Variants in STX18 observed in about 807,000 individuals in gnomAD.
The protein encoded by STX18 is syntaxin-18.
Under a neutral mutation model 50.1 loss-of-function variants are expected in STX18, and 40 were observed. That is an observed-to-expected ratio of 0.80 (90% CI 0.62 to 1.04). STX18 has a LOEUF of 1.04. Ranked by LOEUF, STX18 falls within the 50% of genes least tolerant of loss-of-function variation. The pLI is 0.00. For missense variants in STX18, 410 were observed against 415.8 expected (o/e 0.99, Z 0.12); for synonymous variants, 158 against 151.8 (o/e 1.04, Z -0.30).
At chr4:4,490,623 G>A (rs757819047) in intron 1 of STX18, among the ~76,000 whole-genome samples, 13 of 152,040 alleles carry the variant, frequency 8.6e-5, no homozygotes, top group Non-Finnish European at 4.4e-5. Context: ...ATAAATACAT[G>A]CATAATTTCT....
At chr4:4,442,821 A>G (rs1726193453) in intron 5 of STX18, among the ~76,000 whole-genome samples, 1 of 144,126 alleles carries the variant, frequency 6.9e-6, no homozygotes, top group Non-Finnish European at 1.5e-5. Flanking sequence ...AAAAAAAAAA[A>G]GCCCCACCAT....
At chr4:4,482,739 C>G (rs888584888) in intron 1 of STX18, among the ~76,000 whole-genome samples, 3 of 152,214 alleles carry the variant, frequency 2.0e-5, no homozygotes, top group Non-Finnish European at 2.9e-5. Flanking sequence ...CACTCAACTT[C>G]TACTCAAAAT....
At position 4,541,756 on chromosome 4, in the gene STX18, G is replaced by GC. The variant is rs756491031; in HGVS notation, c.168+40dup. 3.2e-6 allele frequency: 5 copies of GC among 1,575,858 alleles called. No individual in the cohort carries two copies. In the African/African-American group the frequency reaches 5.4e-5, roughly 17 times the overall value. The stretch of plus-strand genomic sequence containing the variant: ...GGCCCGGGGTCCCTGTCGCAGGACT[G>GC]CCCCCTCCTCAACCCGCCGTTTCCA... On this transcript the variant is annotated intron_variant, in intron 1 of 10. Transcript: ENST00000306200.
At position 4,457,503 on chromosome 4, in the gene STX18, G is replaced by GT; in HGVS notation, c.353-4dup. On this transcript the variant is annotated splice_polypyrimidine_tract_variant and splice_region_variant and intron_variant, in intron 3 of 10. Transcript: ENST00000306200. ...CTGGGAATGTATCTCCTTGTGAGCTGTAACAGAAAAAGACAATGTTCAGGC... is the reference window on the plus strand; with the variant it reads ...CTGGGAATGTATCTCCTTGTGAGCTGTTAACAGAAAAAGACAATGTTCAGGC... 6.2e-7 allele frequency: 1 copy of GT among 1,612,772 alleles called. No individual in the cohort carries two copies. The highest frequency in any genetic ancestry group is 8.5e-7 in the Non-Finnish European group (1 of 1,179,354).
intron 2 of STX18, among the ~76,000 whole-genome samples, chr4:4,467,626 C>G (rs891994842): frequency 1.3e-5 from 2 of 152,038 alleles, no homozygotes; most frequent in Middle Eastern, 3.2e-3. Flanking sequence ...GGCTTAACAG[C>G]AGTGCCTTCC....
At chr4:4,524,328 C>A (rs893468580) in intron 1 of STX18, among the ~76,000 whole-genome samples, 2 of 152,200 alleles carry the variant, frequency 1.3e-5, no homozygotes, top group African/African-American at 4.8e-5. Context: ...CCCAAATTTC[C>A]TTTGGAAACA....
chr4:4,419,901 T>G lies in STX18; in HGVS notation c.*133A>C. ...CCTTTTTGGGGAATACGTCTGTCTG[T>G]CTGAACTCCTTTCCCTTCAAATGGC... On this transcript the variant is annotated 3_prime_UTR_variant, in exon 11 of 11. Coordinates refer to ENST00000306200, the MANE Select transcript of STX18 (RefSeq NM_016930.4). 1 of 742,128 alleles carries G rather than the reference T, an allele frequency of 1.3e-6. No homozygotes were observed. The highest frequency in any genetic ancestry group is 2.2e-6 in the Non-Finnish European group (1 of 448,132). 46.0% of individuals were successfully genotyped at this position (742,128 alleles called of 1,614,324 possible). A position where few individuals can be genotyped will look rare whatever the true frequency, so the allele number is the denominator to read the frequency against.
At chr4:4,428,986 T>C (rs1216074266) in intron 7 of STX18, among the ~76,000 whole-genome samples, 1 of 152,180 alleles carries the variant, frequency 6.6e-6, no homozygotes. Context: ...CATTGGCCCA[T>C]CTGCTCTACG....
At chr4:4,458,552 A>G (rs1030320579) in intron 3 of STX18, among the ~76,000 whole-genome samples, 1 of 152,304 alleles carries the variant, frequency 6.6e-6, no homozygotes, top group Non-Finnish European at 1.5e-5. Flanking sequence ...TTTGAACTCT[A>G]CTTACTATTT....
At chr4:4,536,382 T>G (rs1394335693) in intron 1 of STX18, among the ~76,000 whole-genome samples, 1 of 152,100 alleles carries the variant, frequency 6.6e-6, no homozygotes, top group Non-Finnish European at 1.5e-5. Flanking sequence ...AAACATATAT[T>G]CGAGTAGACA....
chr4:4,523,360 CTT>C (rs1730605434), intron 1 of STX18, among the ~76,000 whole-genome samples: 1 of 152,186 alleles, frequency 6.6e-6, no homozygotes, highest in African/African-American at 2.4e-5. Context: ...TGATCCCACT[CTT>C]TCCTCAAGGC....
intron 1 of STX18, among the ~76,000 whole-genome samples, chr4:4,517,636 A>G (rs1362258140): frequency 1.3e-5 from 2 of 152,254 alleles, no homozygotes; most frequent in Non-Finnish European, 2.9e-5. Context: ...AAAACCAAGG[A>G]GTTTCTAAAC....
chr4:4,504,231 G>C (rs73088224), intron 1 of STX18, among the ~76,000 whole-genome samples: 394 of 152,260 alleles, frequency 2.6e-3, no homozygotes, highest in African/African-American at 9.0e-3. Flanking sequence ...TTCTAATCTA[G>C]AGTAGAGATT....
intron 1 of STX18, among the ~76,000 whole-genome samples, chr4:4,504,534 TG>T (rs1729605874): frequency 6.6e-6 from 1 of 152,158 alleles, no homozygotes; most frequent in African/African-American, 2.4e-5. Context: ...TGAAGTTAAA[TG>T]GGAGACTAAG....
At chr4:4,528,069 C>T (rs934631582) in intron 1 of STX18, among the ~76,000 whole-genome samples, 7 of 151,924 alleles carry the variant, frequency 4.6e-5, no homozygotes, top group African/African-American at 4.8e-5. Context: ...ACTTACACAG[C>T]GGAAAAATTC....
At chr4:4,428,343 T>C (rs1725356105) in intron 7 of STX18, among the ~76,000 whole-genome samples, 1 of 152,250 alleles carries the variant, frequency 6.6e-6, no homozygotes, top group Admixed American at 6.5e-5. Flanking sequence ...AAGTCACGGC[T>C]GGACTTCCAG....
rs2108930617 is a variant in STX18, at chr4:4,536,079, T to A, written c.168+5718A>T. Among the ~76,000 whole-genome samples, 2 of 152,306 alleles carry A rather than the reference T, an allele frequency of 1.3e-5. 1 individual carries two copies. The highest frequency in any genetic ancestry group is 4.1e-4 in the South Asian group (2 of 4,824). On this transcript the variant is annotated intron_variant, in intron 1 of 10. Transcript: ENST00000306200. ...CTTTTCCACTAGAATGTAAATGTGT[T>A]GAGGGAGGAACGGAATCTTAGTAAT...
chr4:4,450,014 GC>G (rs1172855841), intron 5 of STX18, among the ~76,000 whole-genome samples: 2 of 152,144 alleles, frequency 1.3e-5, no homozygotes, highest in Non-Finnish European at 2.9e-5. Context: ...TCCCTAAGAG[GC>G]CTGGCTCCCT....
intron 5 of STX18, among the ~76,000 whole-genome samples, chr4:4,456,912 T>C (rs1421418603): frequency 3.9e-5 from 6 of 152,110 alleles, no homozygotes; most frequent in Admixed American, 2.0e-4. Flanking sequence ...TGTGGGACTG[T>C]GGGATCTAGG....
Sources: allele counts gnomAD v4.1 joint callset (sites outside exome capture counted in the v4.1 genomes callset), GRCh38; gene constraint gnomAD v4.1.1; transcripts MANE v1.5; gene names NCBI Gene and HGNC (gene_info 2026-07-23, HGNC 2026-07-21).